ESR1: variants seen among roughly 807,000 people sequenced by gnomAD.
ESR1 encodes the protein estrogen receptor.
A neutral mutation model predicts 52.7 loss-of-function variants in ESR1; 12 were observed. The observed-to-expected ratio is 0.23, with a 90% CI of 0.15 to 0.37. The LOEUF is 0.37. Ranked by LOEUF, ESR1 falls within the 10% of genes least tolerant of loss-of-function variation. ESR1 has a pLI of 1.00. For missense variants in ESR1, 584 were observed against 779.7 expected (o/e 0.75, Z 2.99); for synonymous variants, 305 against 316.8 (o/e 0.96, Z 0.39).
intron 6 of ESR1, among the ~76,000 whole-genome samples, chr6:152,112,249 A>C (rs763687914): frequency 2.0e-5 from 3 of 152,244 alleles, no homozygotes; most frequent in South Asian, 2.1e-4. Flanking sequence ...TTTAAAAAAC[A>C]ATGGAAAGGC....
intron 1 of ESR1, among the ~76,000 whole-genome samples, chr6:151,834,242 T>A (rs950957924): frequency 1.3e-5 from 2 of 152,182 alleles, no homozygotes; most frequent in Non-Finnish European, 2.9e-5. Flanking sequence ...GAAAGACACA[T>A]GCACACGTAT....
chr6:151,988,479 G>A (rs1357889684), intron 4 of ESR1, among the ~76,000 whole-genome samples: 2 of 152,058 alleles, frequency 1.3e-5, no homozygotes, highest in African/African-American at 2.4e-5. Context: ...CCTGTTGGGC[G>A]GCCCAGTTCC....
At chr6:151,793,041 T>G (rs1035204221) in intron 2 of ESR1, among the ~76,000 whole-genome samples, 1 of 151,850 alleles carries the variant, frequency 6.6e-6, no homozygotes, top group Non-Finnish European at 1.5e-5. Context: ...CATGGTGGTG[T>G]GCACCTGCAG....
At chr6:151,834,209 A>C (rs1242989714) in intron 1 of ESR1, among the ~76,000 whole-genome samples, 4 of 152,186 alleles carry the variant, frequency 2.6e-5, no homozygotes, top group Non-Finnish European at 5.9e-5. Flanking sequence ...TATATACCTA[A>C]AGGATTATAA....
chr6:152,061,667 T>C lies in ESR1; in HGVS notation c.1369+543T>C, dbSNP rs2047554381. Among the ~76,000 whole-genome samples, 1 of 152,256 alleles carries C rather than the reference T, an allele frequency of 6.6e-6. No homozygotes were observed. The highest frequency in any genetic ancestry group is 1.5e-5 in the Non-Finnish European group (1 of 68,042). ...GAAAGAACATTTTCCATTTGCTCTATGAAGTCTGATTCTACTGCCCCTTCG... is the reference window on the plus strand; with the variant it reads ...GAAAGAACATTTTCCATTTGCTCTACGAAGTCTGATTCTACTGCCCCTTCG... On this transcript the variant is annotated intron_variant, in intron 6 of 7. Transcript: ENST00000206249. This position sits in a 1 kb window ranked among gnomAD's most constrained non-coding sequence, Gnocchi z 4.3.
At chr6:152,056,882 A>G (rs2047148239) in intron 5 of ESR1, among the ~76,000 whole-genome samples, 1 of 152,092 alleles carries the variant, frequency 6.6e-6, no homozygotes, top group Admixed American at 6.6e-5. Context: ...TTGTTTTTCC[A>G]TGCCCCACGT....
intron 3 of ESR1, among the ~76,000 whole-genome samples, chr6:151,903,633 T>G (rs952953965): frequency 1.3e-5 from 2 of 152,214 alleles, no homozygotes; most frequent in Non-Finnish European, 2.9e-5. Context: ...GCCACTCAGC[T>G]CTGACCCCAA....
At chr6:151,898,479 G>A (rs1407787911) in intron 3 of ESR1, among the ~76,000 whole-genome samples, 1 of 150,788 alleles carries the variant, frequency 6.6e-6, no homozygotes, top group Non-Finnish European at 1.5e-5. Context: ...GGACAATAGT[G>A]GAGGGAAGGT....
At chr6:151,812,865 G>A (rs1310625740) in intron 1 of ESR1, among the ~76,000 whole-genome samples, 8 of 152,050 alleles carry the variant, frequency 5.3e-5, no homozygotes, top group Non-Finnish European at 8.8e-5. Flanking sequence ...ACCAGCCAAA[G>A]CGAAAGTGTA....
intron 2 of ESR1, among the ~76,000 whole-genome samples, chr6:151,843,373 T>A (rs1583610193): frequency 2.6e-5 from 4 of 152,316 alleles, no homozygotes; most frequent in African/African-American, 9.6e-5. Flanking sequence ...AGTTATTAAG[T>A]ATCTACCTGT....
chr6:152,084,790 G>C (rs1305081910), intron 6 of ESR1, among the ~76,000 whole-genome samples: 1 of 151,766 alleles, frequency 6.6e-6, no homozygotes, highest in East Asian at 1.9e-4. Flanking sequence ...GTAGGACTTT[G>C]GCAAGGATTG....
chr6:151,946,882 T>C (rs1417851221), intron 4 of ESR1, among the ~76,000 whole-genome samples: 1 of 152,210 alleles, frequency 6.6e-6, no homozygotes, highest in Non-Finnish European at 1.5e-5. Flanking sequence ...CAAAGCAACA[T>C]TTTGAAAAGG....
chr6:152,017,037 C>G (rs1171477438), intron 5 of ESR1, among the ~76,000 whole-genome samples: 1 of 152,102 alleles, frequency 6.6e-6, no homozygotes, highest in Non-Finnish European at 1.5e-5. Flanking sequence ...TAAGACTATC[C>G]TGTAGGTCCC....
intron 3 of ESR1, among the ~76,000 whole-genome samples, chr6:151,885,020 C>T (rs915564364): frequency 3.3e-5 from 5 of 150,692 alleles, no homozygotes; most frequent in South Asian, 2.1e-4. Flanking sequence ...TCCATGATGG[C>T]GCGGGGGTGG....
chr6:151,988,408 C>T (rs1164370087), intron 4 of ESR1, among the ~76,000 whole-genome samples: 3 of 152,068 alleles, frequency 2.0e-5, no homozygotes, highest in African/African-American at 7.3e-5. Flanking sequence ...GGCAGTAATG[C>T]GAGCAATGGG....
chr6:151,946,115 A>T (rs1380947925), intron 4 of ESR1, among the ~76,000 whole-genome samples: 6 of 152,220 alleles, frequency 3.9e-5, no homozygotes, highest in Non-Finnish European at 8.8e-5. Context: ...ATATGGCTGT[A>T]AGTTTTTTCT....
chr6:151,771,500 C>A (rs1348273070), intron 2 of ESR1, among the ~76,000 whole-genome samples: 2 of 152,110 alleles, frequency 1.3e-5, no homozygotes, highest in Non-Finnish European at 2.9e-5. Flanking sequence ...TGTAGTTACA[C>A]CTTTTGTTGC....
At chr6:151,731,710 T>C (rs533808682) in intron 2 of ESR1, among the ~76,000 whole-genome samples, 1 of 152,248 alleles carries the variant, frequency 6.6e-6, no homozygotes, top group South Asian at 2.1e-4. Context: ...CACTATGAGA[T>C]TTGAGTTGCA....
intron 5 of ESR1, among the ~76,000 whole-genome samples, chr6:152,021,872 C>G (rs973254883): frequency 6.6e-6 from 1 of 152,162 alleles, no homozygotes; most frequent in East Asian, 1.9e-4. Flanking sequence ...GGCTCTCATT[C>G]TCTCTTGCCT....
Sources: allele counts gnomAD v4.1 joint callset (sites outside exome capture counted in the v4.1 genomes callset), GRCh38; gene constraint gnomAD v4.1.1; non-coding constraint Gnocchi (gnomAD v3.1); transcripts MANE v1.5; gene names NCBI Gene and HGNC (gene_info 2026-07-23, HGNC 2026-07-21).